EGFLAM: variants seen among roughly 807,000 people sequenced by gnomAD.
The protein encoded by EGFLAM is EGF like, fibronectin type III and laminin G domains.
EGFLAM carries 79 observed loss-of-function variants against 113.1 expected under a neutral mutation model. The observed-to-expected ratio is 0.70, with a 90% CI of 0.58 to 0.84. The LOEUF is 0.84. Ranked by LOEUF, EGFLAM falls within the 40% of genes least tolerant of loss-of-function variation. EGFLAM has a pLI of 0.00. For synonymous variants in EGFLAM, 504 were observed against 487.6 expected, an observed-to-expected ratio of 1.03 and a Z score of -0.44; for missense variants, 1,265 against 1,291.6, an observed-to-expected ratio of 0.98 and a Z score of 0.32.
At chr5:38,400,921 T>G (rs555679028) in intron 6 of EGFLAM, 27 of 152,332 alleles carry the variant, frequency 1.8e-4, no homozygotes, top group African/African-American at 6.3e-4. Flanking sequence ...TAAAATTACT[T>G]TGACTCTAAA....
At chr5:38,393,405 C>T (rs555821664) in intron 6 of EGFLAM, among the ~76,000 whole-genome samples, 2 of 152,278 alleles carry the variant, frequency 1.3e-5, no homozygotes, top group East Asian at 3.9e-4. Context: ...TTCCCTCAAC[C>T]CCTTTCATGG....
chr5:38,456,646 C>T (rs1339323800), intron 19 of EGFLAM, among the ~76,000 whole-genome samples: 1 of 152,122 alleles, frequency 6.6e-6, no homozygotes, highest in East Asian at 1.9e-4. Flanking sequence ...CTTCGAGCCT[C>T]CATTATTAAA....
intron 12 of EGFLAM, among the ~76,000 whole-genome samples, chr5:38,420,829 C>A (rs1741797147): frequency 6.6e-6 from 1 of 152,120 alleles, no homozygotes; most frequent in Non-Finnish European, 1.5e-5. Context: ...CCCACTTTTC[C>A]AGCAGGTGGC....
chr5:38,314,146 G>A (rs1489345540), intron 1 of EGFLAM, among the ~76,000 whole-genome samples: 1 of 152,156 alleles, frequency 6.6e-6, no homozygotes, highest in Non-Finnish European at 1.5e-5. Context: ...TCCATTTGGA[G>A]TTAAAGTTAT....
At chr5:38,303,462 G>A (rs1228764549) in intron 1 of EGFLAM, among the ~76,000 whole-genome samples, 3 of 152,276 alleles carry the variant, frequency 2.0e-5, no homozygotes, top group East Asian at 1.9e-4. Flanking sequence ...ATAAAATGCT[G>A]TGTAGGGGAG....
At chr5:38,424,638 A>G (rs1741938479) in intron 12 of EGFLAM, among the ~76,000 whole-genome samples, 1 of 152,240 alleles carries the variant, frequency 6.6e-6, no homozygotes, top group South Asian at 2.1e-4. Flanking sequence ...TGGGAGCAAG[A>G]GAGAGATGAA....
chr5:38,351,387 G>A (rs2434498), intron 4 of EGFLAM, among the ~76,000 whole-genome samples: 115 of 151,972 alleles, frequency 7.6e-4, no homozygotes, highest in Non-Finnish European at 9.6e-4. Context: ...GATTACAGGC[G>A]TAAGCCACCG....
At chr5:38,413,513 G>T (rs993542772) in intron 11 of EGFLAM, among the ~76,000 whole-genome samples, 1 of 152,042 alleles carries the variant, frequency 6.6e-6, no homozygotes, top group Non-Finnish European at 1.5e-5. Flanking sequence ...GGACTGTTGG[G>T]CTACTCAGCA....
intron 14 of EGFLAM, 32 bp from the exon 15 acceptor site, chr5:38,431,145 C>T (rs1343971332): frequency 6.3e-7 from 1 of 1,595,002 alleles, no homozygotes; most frequent in East Asian, 2.2e-5. Context: ...CAACTCGATA[C>T]ATAAAAATAA....
At chr5:38,400,929 A>G (rs1321770888) in intron 6 of EGFLAM, 1 of 152,146 alleles carries the variant, frequency 6.6e-6, no homozygotes, top group Non-Finnish European at 1.5e-5. Flanking sequence ...CTTTGACTCT[A>G]AATCCTTGTG....
chr5:38,375,447 A>G (rs77847561), intron 6 of EGFLAM, among the ~76,000 whole-genome samples: 1,687 of 152,154 alleles, frequency 0.011, 36 homozygotes, highest in African/African-American at 0.039. Flanking sequence ...TCACAACACA[A>G]TGTTCAAGGA....
intron 5 of EGFLAM, among the ~76,000 whole-genome samples, chr5:38,359,500 C>A (rs758069593): frequency 1.3e-5 from 2 of 152,158 alleles, no homozygotes; most frequent in Non-Finnish European, 2.9e-5. Context: ...CATGGTGAAA[C>A]CCTATCTCTG....
chr5:38,352,354 A>G (rs1378477612), intron 5 of EGFLAM, 23 bp downstream of exon 5: 1 of 1,613,070 alleles, frequency 6.2e-7, no homozygotes, highest in Admixed American at 1.7e-5. Flanking sequence ...GTCACATTCA[A>G]AAGCCAAATG....
In EGFLAM at chr5:38,402,852, T is replaced by C. The variant is rs1385036207; in HGVS notation, c.713-3274T>C. 2.0e-5 allele frequency among the ~76,000 whole-genome samples: 3 copies of C among 152,150 alleles called. No homozygotes were observed. In the East Asian group the frequency reaches 5.8e-4, roughly 29 times the overall value. On this transcript the variant is annotated intron_variant, in intron 6 of 21. Coordinates refer to ENST00000322350, the MANE Select transcript of EGFLAM (RefSeq NM_152403.4). ...ATTCTTGACCAAGAAGCCTAGAATT[T>C]ATGTTGTAGGCAGTGGAGAGTCACT...
chr5:38,369,549 T>C (rs1369684608), intron 5 of EGFLAM, among the ~76,000 whole-genome samples: 1 of 152,236 alleles, frequency 6.6e-6, no homozygotes. Context: ...ATATATATCT[T>C]ATTTAATCTT....
At chr5:38,267,426 T>G (rs1010208457) in intron 1 of EGFLAM, among the ~76,000 whole-genome samples, 1 of 152,214 alleles carries the variant, frequency 6.6e-6, no homozygotes, top group African/African-American at 2.4e-5. Context: ...CACAGACAGA[T>G]GGCTAATTTG....
At chr5:38,278,876 T>G (rs1486600446) in intron 1 of EGFLAM, among the ~76,000 whole-genome samples, 1 of 151,906 alleles carries the variant, frequency 6.6e-6, no homozygotes, top group African/African-American at 2.4e-5. Flanking sequence ...TCCATCAAAC[T>G]AAAAGTTTCT....
At chr5:38,357,703 T>C (rs1008456261) in intron 5 of EGFLAM, among the ~76,000 whole-genome samples, 4 of 152,108 alleles carry the variant, frequency 2.6e-5, no homozygotes, top group African/African-American at 7.2e-5. Context: ...GATTCAGATA[T>C]CTTAATGTGA....
intron 15 of EGFLAM, among the ~76,000 whole-genome samples, chr5:38,432,750 A>G (rs1316801833): frequency 6.6e-6 from 1 of 152,220 alleles, no homozygotes. Context: ...TGTCAAAAGT[A>G]GGGGCAAGGT....
Sources: gnomAD v4.1 joint callset for allele counts (sites outside exome capture counted in the v4.1 genomes callset) on GRCh38, gnomAD v4.1.1 for gene constraint, MANE v1.5 for transcripts, NCBI Gene and HGNC (gene_info 2026-07-23, HGNC 2026-07-21) for gene names.